The following TULP4 variants were observed in gnomAD, a reference collection of about 807,000 sequenced individuals.
TULP4 encodes TUB like protein 4, also known as tubby-related protein 4.
A neutral mutation model predicts 129.0 loss-of-function variants in TULP4; 16 were observed. That is an observed-to-expected ratio of 0.12 (90% CI 0.08 to 0.19). The LOEUF is 0.19. Among genes scored for constraint, TULP4 ranks in the 10% least tolerant of loss-of-function variants. TULP4 has a pLI of 1.00. For missense variants in TULP4, 1,842 were observed against 2,059.1 expected, an observed-to-expected ratio of 0.89 and a Z score of 2.04; for synonymous variants, 998 against 854.0, an observed-to-expected ratio of 1.17 and a Z score of -2.94.
intron 1 of TULP4, among the ~76,000 whole-genome samples, chr6:158,327,869 G>A (rs1411921042): frequency 6.6e-6 from 1 of 152,032 alleles, no homozygotes; most frequent in Non-Finnish European, 1.5e-5. Context: ...GAATCTCTTT[G>A]GCATCTTTTG....
chr6:158,435,370 C>A (rs979602168), intron 3 of TULP4, among the ~76,000 whole-genome samples: 6 of 152,146 alleles, frequency 3.9e-5, no homozygotes, highest in Admixed American at 3.9e-4. Flanking sequence ...GTCTCCTTGG[C>A]AGCCTGGTGC....
chr6:158,489,805 C>T (rs1365168416), intron 9 of TULP4, 73 bp downstream of exon 9: 42 of 1,568,390 alleles, frequency 2.7e-5, no homozygotes, highest in Non-Finnish European at 3.5e-5. Flanking sequence ...GCAACAGAAT[C>T]GCATTGAAAC....
chr6:158,469,438 A>G (rs1330222021), intron 6 of TULP4, among the ~76,000 whole-genome samples: 1 of 151,678 alleles, frequency 6.6e-6, no homozygotes, highest in East Asian at 1.9e-4. Flanking sequence ...CACACTGGCT[A>G]ATTTTTGTAT....
At chr6:158,301,236 G>A (rs1471693556) in intron 1 of TULP4, among the ~76,000 whole-genome samples, 1 of 152,154 alleles carries the variant, frequency 6.6e-6, no homozygotes, top group Admixed American at 6.5e-5. Flanking sequence ...TACCTTTTGA[G>A]CAGAGGTATA....
At chr6:158,378,438 T>A (rs942187908) in intron 1 of TULP4, among the ~76,000 whole-genome samples, 1 of 144,600 alleles carries the variant, frequency 6.9e-6, no homozygotes, top group African/African-American at 2.6e-5. Flanking sequence ...TATATAAAAA[T>A]TGAGCAGTTA....
chr6:158,322,555 T>C lies in TULP4; in HGVS notation c.252+8287T>C, dbSNP rs529336525. 3.6e-4 allele frequency among the ~76,000 whole-genome samples: 55 copies of C among 152,340 alleles called. 2 individuals are homozygous for C. In the South Asian group the frequency reaches 0.011, roughly 29 times the overall value. ...TCTATACCCTTTGTACTTAAAGTAA[T>C]ATACTTAAGTATATTACTTTCCAGT... On this transcript the variant is annotated intron_variant, in intron 1 of 13. Coordinates refer to ENST00000367097, the MANE Select transcript of TULP4 (RefSeq NM_020245.5).
intron 1 of TULP4, among the ~76,000 whole-genome samples, chr6:158,386,373 C>T (rs1777448952): frequency 1.3e-5 from 2 of 151,942 alleles, no homozygotes; most frequent in Non-Finnish European, 2.9e-5. Flanking sequence ...ACAAGTAAAG[C>T]CATATTAATT....
chr6:158,421,061 A>G (rs559501549), intron 2 of TULP4, among the ~76,000 whole-genome samples: 10 of 152,128 alleles, frequency 6.6e-5, no homozygotes, highest in African/African-American at 1.9e-4. Flanking sequence ...AATCAAATAC[A>G]TTTAAGAAAT....
At chr6:158,447,626 C>T (rs1203988632) in intron 3 of TULP4, among the ~76,000 whole-genome samples, 1 of 152,174 alleles carries the variant, frequency 6.6e-6, no homozygotes, top group Non-Finnish European at 1.5e-5. Context: ...GCATTGTACA[C>T]AAAGCTCTGT....
At chr6:158,495,359 G>A (rs946252062) in intron 11 of TULP4, among the ~76,000 whole-genome samples, 6 of 152,006 alleles carry the variant, frequency 3.9e-5, no homozygotes, top group African/African-American at 9.7e-5. Flanking sequence ...GGTCGCCAGC[G>A]GGATTTTCAT....
intron 11 of TULP4, 26 bp downstream of exon 11, chr6:158,494,872 T>C (rs778907692): frequency 3.7e-6 from 6 of 1,602,072 alleles, no homozygotes; most frequent in African/African-American, 2.7e-5. Context: ...TCTTCTCTCA[T>C]TGTCCCAGTT....
At chr6:158,272,447 C>T (rs1282425052) in intron 1 of TULP4, among the ~76,000 whole-genome samples, 1 of 152,116 alleles carries the variant, frequency 6.6e-6, no homozygotes, top group Non-Finnish European at 1.5e-5. Context: ...GAGGATCTGG[C>T]AGTGAGTGCT....
At chr6:158,238,312 A>T in intron 1 of TULP4, 1 of 960,856 alleles carries the variant, frequency 1.0e-6, no homozygotes, top group Non-Finnish European at 1.7e-6. Flanking sequence ...TTGGGTTAAC[A>T]TAGGTGAGAG....
chr6:158,427,563 G>A (rs574858332), intron 2 of TULP4, among the ~76,000 whole-genome samples: 5 of 128,118 alleles, frequency 3.9e-5, no homozygotes, highest in Non-Finnish European at 6.2e-5. Context: ...GCATGATCTC[G>A]TCTCACTGCA....
At chr6:158,350,906 A>T (rs1190983814) in intron 1 of TULP4, among the ~76,000 whole-genome samples, 2 of 151,966 alleles carry the variant, frequency 1.3e-5, no homozygotes, top group African/African-American at 4.8e-5. Flanking sequence ...GATTACTGCC[A>T]CCACTGCTGG....
intron 1 of TULP4, chr6:158,242,437 C>G (rs1399254771): frequency 9.3e-7 from 1 of 1,074,336 alleles, no homozygotes; most frequent in South Asian, 1.2e-5. Context: ...CTTTATGCCA[C>G]TAAGCATTCA....
intron 2 of TULP4, among the ~76,000 whole-genome samples, chr6:158,424,663 G>A (rs1006377126): frequency 8.5e-5 from 13 of 152,234 alleles, no homozygotes; most frequent in East Asian, 7.7e-4. Flanking sequence ...AGAAAAAAGC[G>A]TACATGTTCA....
intron 6 of TULP4, among the ~76,000 whole-genome samples, chr6:158,468,271 A>T (rs997346312): frequency 6.6e-6 from 1 of 152,234 alleles, no homozygotes; most frequent in Non-Finnish European, 1.5e-5. Flanking sequence ...CAAGCTAGGT[A>T]GGTAAACTAC....
At chr6:158,332,148 G>A (rs532355726) in intron 1 of TULP4, among the ~76,000 whole-genome samples, 1 of 132,854 alleles carries the variant, frequency 7.5e-6, no homozygotes, top group African/African-American at 2.9e-5. Context: ...CTTCAGCCTG[G>A]TCGACAGAGT....
Sources: allele counts gnomAD v4.1 joint callset (sites outside exome capture counted in the v4.1 genomes callset), GRCh38; gene constraint gnomAD v4.1.1; transcripts MANE v1.5; gene names NCBI Gene and HGNC (gene_info 2026-07-23, HGNC 2026-07-21).